RGPD2: variants seen among roughly 807,000 people sequenced by gnomAD.
RGPD2 encodes the protein RANBP2-like and GRIP domain-containing protein 2.
In RGPD2, 2 loss-of-function variants were observed where a neutral mutation model predicts 36.0. That is an observed-to-expected ratio of 0.06 (90% CI 0.02 to 0.17). The LOEUF (loss-of-function observed/expected upper bound fraction) is 0.17. RGPD2 is among the 10% of genes least tolerant of loss of function. The pLI is 1.00. For synonymous variants in RGPD2, 19 were observed against 163.8 expected, an observed-to-expected ratio of 0.12 and a Z score of 6.75; for missense variants, 40 against 464.3, an observed-to-expected ratio of 0.09 and a Z score of 8.40.
At chr2:87,855,368 T>C in the RGPD2 span, among the ~76,000 whole-genome samples, 4 of 150,346 alleles carry the variant, frequency 2.7e-5, no homozygotes, top group Admixed American at 6.6e-5. Context: ...AGAGCTCCTG[T>C]TGCTCTAAAT....
the RGPD2 span, among the ~76,000 whole-genome samples, chr2:87,932,831 A>G: frequency 6.6e-6 from 1 of 151,226 alleles, no homozygotes; most frequent in Non-Finnish European, 1.5e-5. Flanking sequence ...TGTTAGTCTG[A>G]TGTACTTCCC....
chr2:87,771,391 T>TTG (rs1558718258), intron 22 of RGPD2: 1 of 27,256 alleles, frequency 3.7e-5, no homozygotes, highest in Non-Finnish European at 7.9e-5. Flanking sequence ...TAGTTTTTTT[T>TTG]TTTTTTTTTT....
At chr2:87,917,569 G>A in the RGPD2 span, among the ~76,000 whole-genome samples, 1 of 36,768 alleles carries the variant, frequency 2.7e-5, no homozygotes, top group Non-Finnish European at 5.0e-5. Context: ...AAGGAGACTA[G>A]TGAAGAGGCT....
the RGPD2 span, among the ~76,000 whole-genome samples, chr2:87,863,712 G>GTATATATATA: frequency 2.7e-5 from 4 of 146,426 alleles, no homozygotes; most frequent in Admixed American, 6.8e-5. Context: ...GTGTGTGTGT[G>GTATATATATA]TATATATATA....
chr2:87,957,600 G>A, the RGPD2 span, among the ~76,000 whole-genome samples: 3 of 152,224 alleles, frequency 2.0e-5, no homozygotes, highest in African/African-American at 7.2e-5. Flanking sequence ...CATTCATGAA[G>A]ATTCCACTCT....
the RGPD2 span, among the ~76,000 whole-genome samples, chr2:87,977,942 G>A: frequency 1.3e-4 from 20 of 150,594 alleles, no homozygotes; most frequent in Non-Finnish European, 2.4e-4. Context: ...ATGGTGAAAC[G>A]TGGTCTCTAC....
Position 87,825,555 on chromosome 2 carries a change from C to CGAGGCCG in RGPD2, c.72+102_72+103insCGGCCTC, listed in dbSNP as rs1327332327. On this transcript the variant is annotated intron_variant, in intron 1 of 22. Coordinates refer to ENST00000398146, the MANE Select transcript of RGPD2 (RefSeq NM_001078170.3). The stretch of plus-strand genomic sequence containing the variant: ...GCCGAGGCCGAGGCCGCCGCCCGGC[C>CGAGGCCG]AGGTCGAGGCCGCCGCCCGGCCAGG... The CGAGGCCG allele has an allele frequency of 1.3e-5, 11 of 872,690 alleles. No individual in the cohort carries two copies. The Admixed American group carries it at 3.7e-4, about 29-fold the overall frequency. 54.1% of individuals were successfully genotyped at this position (872,690 alleles called of 1,614,324 possible).
chr2:87,877,518 T>G, the RGPD2 span, among the ~76,000 whole-genome samples: 1 of 152,152 alleles, frequency 6.6e-6, no homozygotes, highest in East Asian at 1.9e-4. Flanking sequence ...TTAAGAATAT[T>G]GACAGCCAGG....
upstream of RGPD2, among the ~76,000 whole-genome samples, chr2:87,826,995 A>AAAG (rs2104392557): frequency 7.1e-6 from 1 of 140,888 alleles, no homozygotes; most frequent in African/African-American, 2.7e-5. Context: ...TGCAGGGATT[A>AAAG]AAGAATGAAG....
At chr2:87,961,984 G>A in the RGPD2 span, among the ~76,000 whole-genome samples, 2 of 135,114 alleles carry the variant, frequency 1.5e-5, no homozygotes, top group African/African-American at 2.8e-5. Context: ...CTGTGATAGC[G>A]CCACTGCATT....
At position 87,805,809 on chromosome 2, in the gene RGPD2, G is replaced by A. The variant is rs531110105; in HGVS notation, c.975+887C>T. 6.6e-5 allele frequency among the ~76,000 whole-genome samples: 10 copies of A among 151,970 alleles called. No individual in the cohort carries two copies. In the South Asian group the frequency reaches 8.3e-4, roughly 13 times the overall value. On this transcript the variant is annotated intron_variant, in intron 7 of 22. Transcript: ENST00000398146. ...CGGGAGGTGGAGCTTGCAGTGAGCC[G>A]AGATCGTGCCACTGCACTCCAGCCT...
At chr2:87,970,236 G>A in the RGPD2 span, among the ~76,000 whole-genome samples, 1 of 151,934 alleles carries the variant, frequency 6.6e-6, no homozygotes, top group Non-Finnish European at 1.5e-5. Context: ...AATTTTATGA[G>A]GAGGAAAACC....
At chr2:87,877,309 G>T in the RGPD2 span, among the ~76,000 whole-genome samples, 1 of 152,292 alleles carries the variant, frequency 6.6e-6, no homozygotes, top group African/African-American at 2.4e-5. Context: ...ATTGGTCTTT[G>T]TACTTCAGTG....
At chr2:87,915,361 A>ATATGTATATTATATATATTG in the RGPD2 span, among the ~76,000 whole-genome samples, 592 of 90,698 alleles carry the variant, frequency 6.5e-3, 28 homozygotes, top group African/African-American at 0.023. Flanking sequence ...TATATATTAT[A>ATATGTATATTATATATATTG]TATATATGTA....
chr2:87,957,240 G>T, the RGPD2 span, among the ~76,000 whole-genome samples: 1 of 140,016 alleles, frequency 7.1e-6, no homozygotes, highest in Non-Finnish European at 1.6e-5. Context: ...GGTCACTGGG[G>T]GGGGGCTCTC....
chr2:87,851,682 C>CA, the RGPD2 span, among the ~76,000 whole-genome samples: 3 of 2,420 alleles, frequency 1.2e-3, no homozygotes, highest in African/African-American at 3.3e-3. Context: ...GACTACATCT[C>CA]AAAAAAAAAA....
chr2:87,840,458 C>T, the RGPD2 span, among the ~76,000 whole-genome samples: 1 of 150,598 alleles, frequency 6.6e-6, no homozygotes, highest in African/African-American at 2.4e-5. Flanking sequence ...GTTATGGCAG[C>T]CTTAGAAAGT....
chr2:87,877,440 T>G, the RGPD2 span, among the ~76,000 whole-genome samples: 2 of 152,280 alleles, frequency 1.3e-5, no homozygotes, highest in South Asian at 2.1e-4. Context: ...GAAAAGGAGC[T>G]TATTTCTCCT....
chr2:87,919,117 C>A, the RGPD2 span, among the ~76,000 whole-genome samples: 1 of 151,232 alleles, frequency 6.6e-6, no homozygotes, highest in Non-Finnish European at 1.5e-5. Context: ...TCAAAAGCAT[C>A]AAAAATACAT....
Sources: allele counts gnomAD v4.1 joint callset (sites outside exome capture counted in the v4.1 genomes callset), GRCh38; gene constraint gnomAD v4.1.1; transcripts MANE v1.5; gene names NCBI Gene and HGNC (gene_info 2026-07-23, HGNC 2026-07-21).